Variants in PLEKHA7 observed in about 807,000 individuals in gnomAD.
PLEKHA7 encodes the protein pleckstrin homology domain containing A7.
PLEKHA7 carries 104 observed loss-of-function variants against 170.0 expected under a neutral mutation model. That is an observed-to-expected ratio of 0.61 (90% CI 0.52 to 0.72). The LOEUF is 0.72. Ranked by LOEUF, PLEKHA7 falls within the 30% of genes least tolerant of loss-of-function variation. The probability of loss-of-function intolerance (pLI) is 0.00; values close to 1 mark genes in which losing one functional copy is unlikely to be tolerated. For synonymous variants in PLEKHA7, 648 were observed against 660.8 expected (o/e 0.98, Z 0.30); for missense variants, 1,615 against 1,671.7 (o/e 0.97, Z 0.59).
At chr11:16,958,921 A>G (rs1178683664) in intron 3 of PLEKHA7, among the ~76,000 whole-genome samples, 7 of 151,260 alleles carry the variant, frequency 4.6e-5, no homozygotes, top group Non-Finnish European at 8.8e-5. Flanking sequence ...AGAAGTGTCA[A>G]TGCTGGGGTG....
intron 3 of PLEKHA7, among the ~76,000 whole-genome samples, chr11:16,994,310 CAGT>C (rs1334001536): frequency 1.7e-3 from 262 of 152,322 alleles, no homozygotes; most frequent in Middle Eastern, 6.8e-3. Context: ...CCTGGAGTTG[CAGT>C]TCCAGGGGTC....
chr11:16,994,688 C>A (rs1028852556), intron 3 of PLEKHA7, among the ~76,000 whole-genome samples: 1 of 152,168 alleles, frequency 6.6e-6, no homozygotes, highest in African/African-American at 2.4e-5. Flanking sequence ...CCTGGTTCTG[C>A]CTGTGCTATC....
chr11:16,817,073 C>T lies in PLEKHA7; in HGVS notation c.1593G>A (p.Gln531=), dbSNP rs1849817881. The T allele has an allele frequency of 6.2e-7, 1 of 1,612,532 alleles. No homozygotes were observed. Among genetic ancestry groups the T allele is most frequent in the Non-Finnish European group, 8.5e-7 (1 of 1,179,058 alleles). ...WQLYEWQQRQ[Q]FRHGSPTAPI... is the part of the protein sequence containing the mutation. ...GCGCTGTGGGGCTGCCGTGCCGGAA[C>T]TGCTGGCGCTGCTGCCACTCGTAGA... The change falls in exon 11 of 27, where the codon CAG becomes CAA. Residue 531 remains glutamine, a synonymous_variant. Transcript: ENST00000531066. The surrounding 1 kb of genome is among the most constrained non-coding windows in gnomAD (Gnocchi z 4.4).
At chr11:16,902,764 C>A (rs542992242) in intron 3 of PLEKHA7, among the ~76,000 whole-genome samples, 3 of 152,294 alleles carry the variant, frequency 2.0e-5, no homozygotes, top group Admixed American at 6.5e-5. Context: ...GCTTCAGGTT[C>A]CTTCTCTGCA....
At chr11:16,807,505 G>A (rs1310649733) in intron 13 of PLEKHA7, among the ~76,000 whole-genome samples, 1 of 152,138 alleles carries the variant, frequency 6.6e-6, no homozygotes, top group Non-Finnish European at 1.5e-5. Flanking sequence ...GGTTTTTGTG[G>A]GAGTGCAATT....
intron 3 of PLEKHA7, among the ~76,000 whole-genome samples, chr11:16,897,271 G>T (rs1008440426): frequency 6.6e-6 from 1 of 152,122 alleles, no homozygotes; most frequent in African/African-American, 2.4e-5. Flanking sequence ...TACACAAAAG[G>T]CTACAGAACA....
At chr11:17,014,231 C>T (rs560398043) in intron 1 of PLEKHA7, 30 bp from the exon 2 acceptor site, 17 of 1,445,518 alleles carry the variant, frequency 1.2e-5, no homozygotes, top group Middle Eastern at 2.5e-4. Context: ...CCTGTTAGCG[C>T]CGCCACAGCC....
intron 4 of PLEKHA7, among the ~76,000 whole-genome samples, chr11:16,859,736 C>T (rs915701014): frequency 1.2e-4 from 18 of 152,238 alleles, no homozygotes; most frequent in Non-Finnish European, 7.3e-5. Flanking sequence ...CGAGTCTCAT[C>T]TAAGAACCAA....
Position 16,920,515 on chromosome 11 carries a change from C to T in PLEKHA7, c.222-49333G>A, listed in dbSNP as rs538590147. Among the ~76,000 whole-genome samples the T allele has an allele frequency of 1.8e-4, 28 of 152,342 alleles. 1 individual carries two copies. The South Asian group carries it at 5.6e-3, about 30-fold the overall frequency. ...CAGTGGTTGTCTTTGGTGCTTGGTC[C>T]TTAATTTCCTCCATCTTCTTTGTAG... On this transcript the variant is annotated intron_variant, in intron 3 of 26. Coordinates refer to ENST00000531066, the MANE Select transcript of PLEKHA7 (RefSeq NM_001329630.2).
intron 4 of PLEKHA7, among the ~76,000 whole-genome samples, chr11:16,858,494 T>A (rs965003094): frequency 8.6e-6 from 1 of 115,766 alleles, no homozygotes; most frequent in Admixed American, 9.3e-5. Flanking sequence ...TTTAACAAAT[T>A]TTTTTTTTTT....
chr11:16,849,154 C>G (rs950756702), intron 8 of PLEKHA7, among the ~76,000 whole-genome samples: 1 of 152,110 alleles, frequency 6.6e-6, no homozygotes, highest in Admixed American at 6.6e-5. Context: ...GTCTCTCAGA[C>G]AAAAGATTTA....
At chr11:16,946,445 A>AG (rs1477331933) in intron 3 of PLEKHA7, among the ~76,000 whole-genome samples, 5 of 151,896 alleles carry the variant, frequency 3.3e-5, no homozygotes, top group African/African-American at 4.8e-5. Flanking sequence ...AGTGGAGGGG[A>AG]GGGGGGGACT....
rs1409668212 is a variant in PLEKHA7, at chr11:16,787,140, C to T, written c.3358-753G>A. 5 of 985,258 alleles carry T rather than the reference C, an allele frequency of 5.1e-6. No individual in the cohort carries two copies. In the African/African-American group the frequency reaches 5.2e-5, roughly 10 times the overall value. The allele number at this position is 985,258 out of a possible 1,614,324, so 61.0% of individuals were successfully genotyped here. On this transcript the variant is annotated intron_variant, in intron 23 of 26. Transcript: ENST00000531066. ...AGATCCAACCATGACTGTCCAGCTC[C>T]GTGGTGACTTCCTGTTGACCCAGGA...
chr11:16,856,445 C>T (rs1409143745), intron 4 of PLEKHA7, among the ~76,000 whole-genome samples: 1 of 152,186 alleles, frequency 6.6e-6, no homozygotes, highest in Admixed American at 6.5e-5. Flanking sequence ...GACTACTCAA[C>T]AAAGAGTCCT....
chr11:16,779,880 A>G, intron 26 of PLEKHA7, among the ~76,000 whole-genome samples: 1 of 151,704 alleles, frequency 6.6e-6, no homozygotes, highest in Non-Finnish European at 1.5e-5. Context: ...CTCTGAACTC[A>G]CATCAAAGGG....
chr11:16,897,587 C>T (rs182947236), intron 3 of PLEKHA7, among the ~76,000 whole-genome samples: 10 of 152,228 alleles, frequency 6.6e-5, no homozygotes, highest in African/African-American at 1.4e-4. Context: ...ATGGGCCACC[C>T]GCAGAGAAGG....
chr11:16,915,865 T>C (rs1346523225), intron 3 of PLEKHA7, among the ~76,000 whole-genome samples: 1 of 150,020 alleles, frequency 6.7e-6, no homozygotes, highest in Non-Finnish European at 1.5e-5. Flanking sequence ...TATAGTCCTT[T>C]GGGTATATAC....
intron 4 of PLEKHA7, among the ~76,000 whole-genome samples, chr11:16,857,845 A>C (rs919700990): frequency 1.3e-5 from 2 of 152,170 alleles, no homozygotes; most frequent in Non-Finnish European, 2.9e-5. Context: ...CAGCCTCCCA[A>C]GTAGTTAGTA....
chr11:16,865,153 C>T (rs546234132), intron 4 of PLEKHA7, among the ~76,000 whole-genome samples: 2 of 152,274 alleles, frequency 1.3e-5, no homozygotes, highest in East Asian at 3.9e-4. Context: ...CTTGGCATGC[C>T]CTTTGTACTC....
Sources: allele counts gnomAD v4.1 joint callset (sites outside exome capture counted in the v4.1 genomes callset), GRCh38; gene constraint gnomAD v4.1.1; non-coding constraint Gnocchi (gnomAD v3.1); transcripts MANE v1.5; gene names NCBI Gene and HGNC (gene_info 2026-07-23, HGNC 2026-07-21).